Variants in EPM2A observed in about 807,000 individuals in gnomAD.
The protein encoded by EPM2A is laforin.
A neutral mutation model predicts 26.5 loss-of-function variants in EPM2A; 21 were observed. That is an observed-to-expected ratio of 0.79 (90% CI 0.56 to 1.14). EPM2A has a LOEUF of 1.14. EPM2A is among the 50% of genes most tolerant of loss of function. EPM2A has a pLI of 0.00. For synonymous variants in EPM2A, 217 were observed against 177.6 expected (o/e 1.22, Z -1.76); for missense variants, 458 against 440.8 (o/e 1.04, Z -0.35).
At chr6:145,455,902 G>C (rs868396556) in intron 4 of EPM2A, among the ~76,000 whole-genome samples, 4 of 152,166 alleles carry the variant, frequency 2.6e-5, no homozygotes, top group Non-Finnish European at 5.9e-5. Context: ...CCTTGGGACT[G>C]TTTGAATATT....
At chr6:145,707,828 G>C (rs1583095218) in intron 1 of EPM2A, among the ~76,000 whole-genome samples, 1 of 152,316 alleles carries the variant, frequency 6.6e-6, no homozygotes, top group Admixed American at 6.5e-5. Flanking sequence ...CTGCTATAAA[G>C]ATACTTTAAA....
At chr6:145,543,736 G>A (rs1444348653) in intron 2 of EPM2A, among the ~76,000 whole-genome samples, 2 of 152,142 alleles carry the variant, frequency 1.3e-5, no homozygotes, top group East Asian at 3.9e-4. Context: ...TACATGGATT[G>A]TAGATTTTCC....
chr6:145,656,970 T>A (rs912918810), intron 2 of EPM2A, among the ~76,000 whole-genome samples: 3 of 152,178 alleles, frequency 2.0e-5, no homozygotes, highest in African/African-American at 7.2e-5. Flanking sequence ...TTTTCAGTGT[T>A]CACTAACAAA....
chr6:145,680,824 C>G (rs947343442), intron 2 of EPM2A, among the ~76,000 whole-genome samples: 1 of 152,090 alleles, frequency 6.6e-6, no homozygotes, highest in African/African-American at 2.4e-5. Context: ...CAAGTCTTTG[C>G]TATTGTGAAT....
At chr6:145,699,236 T>G (rs1056396552) in intron 1 of EPM2A, among the ~76,000 whole-genome samples, 1 of 152,158 alleles carries the variant, frequency 6.6e-6, no homozygotes, top group Non-Finnish European at 1.5e-5. Context: ...AGGAAGCCAT[T>G]AGTGAGTGAA....
intron 2 of EPM2A, among the ~76,000 whole-genome samples, chr6:145,538,881 A>T (rs1780469956): frequency 6.6e-6 from 1 of 152,178 alleles, no homozygotes. Context: ...AGTGTCTGAG[A>T]CTCATAAAAG....
At chr6:145,703,961 A>C (rs1782075720) in intron 1 of EPM2A, among the ~76,000 whole-genome samples, 1 of 152,216 alleles carries the variant, frequency 6.6e-6, no homozygotes, top group Non-Finnish European at 1.5e-5. Flanking sequence ...ATCAGTTAAA[A>C]AGGACATCCA....
At chr6:145,514,188 G>T (rs1286066007) in intron 2 of EPM2A, among the ~76,000 whole-genome samples, 1 of 152,218 alleles carries the variant, frequency 6.6e-6, no homozygotes. Context: ...TGATGAGAAT[G>T]GAATATCTCT....
intron 2 of EPM2A, among the ~76,000 whole-genome samples, chr6:145,552,798 G>C (rs1780673493): frequency 6.6e-6 from 1 of 151,980 alleles, no homozygotes; most frequent in Non-Finnish European, 1.5e-5. Flanking sequence ...CGTGGGCTCT[G>C]ACAACTGATT....
In EPM2A at chr6:145,625,576, C is replaced by T. The variant is rs960408360; in HGVS notation, c.*1840G>A. 13 of 648,526 alleles carry T rather than the reference C, an allele frequency of 2.0e-5. No homozygotes were observed. Among genetic ancestry groups the T allele is most frequent in the African/African-American group, 5.5e-5 (3 of 54,874 alleles). 40.2% of individuals were successfully genotyped at this position (648,526 alleles called of 1,614,324 possible). Reference sequence around the variant, plus strand: ...TTTAATTTTTAAGATTAAATTTTCACAACACATTATGACTGTAAATGAGTT... The same window carrying T: ...TTTAATTTTTAAGATTAAATTTTCATAACACATTATGACTGTAAATGAGTT... On this transcript the variant is annotated 3_prime_UTR_variant, in exon 4 of 4. Coordinates refer to ENST00000367519, the MANE Select transcript of EPM2A (RefSeq NM_005670.4).
intron 1 of EPM2A, among the ~76,000 whole-genome samples, chr6:145,708,057 C>G (rs1782325688): frequency 6.6e-6 from 1 of 152,170 alleles, no homozygotes; most frequent in South Asian, 2.1e-4. Flanking sequence ...GTCACTCTTG[C>G]TATGCAAAGA....
At chr6:145,638,057 GT>G (rs1238975508) in intron 2 of EPM2A, 7 of 151,952 alleles carry the variant, frequency 4.6e-5, no homozygotes, top group Non-Finnish European at 1.0e-4. Flanking sequence ...TTGTTTGTTT[GT>G]TTTTTTCAAC....
chr6:145,605,201 G>C (rs1435597660), intron 2 of EPM2A, among the ~76,000 whole-genome samples: 1 of 152,126 alleles, frequency 6.6e-6, no homozygotes, highest in Non-Finnish European at 1.5e-5. Flanking sequence ...TTGAGAGTCA[G>C]CTTAGAGTTT....
chr6:145,732,224 TGTGTGTGTGTGTGC>T (rs927800121), intron 1 of EPM2A, among the ~76,000 whole-genome samples: 3 of 115,544 alleles, frequency 2.6e-5, no homozygotes, highest in African/African-American at 9.3e-5. Flanking sequence ...TGTGTGTGTG[TGTGTGTGTGTGTGC>T]GCGCCAAAGT....
intron 1 of EPM2A, among the ~76,000 whole-genome samples, chr6:145,703,284 G>A (rs571973121): frequency 6.6e-6 from 1 of 151,830 alleles, no homozygotes; most frequent in African/African-American, 2.4e-5. Flanking sequence ...GGAGAGACGG[G>A]GTTTTGCCGT....
intron 2 of EPM2A, among the ~76,000 whole-genome samples, chr6:145,555,824 TC>T (rs1411751764): frequency 2.0e-5 from 3 of 152,036 alleles, no homozygotes; most frequent in African/African-American, 7.2e-5. Context: ...TTCCACACAC[TC>T]CCCCCACCTT....
chr6:145,683,593 T>C (rs1210968329), intron 2 of EPM2A, among the ~76,000 whole-genome samples: 2 of 152,126 alleles, frequency 1.3e-5, no homozygotes, highest in Non-Finnish European at 2.9e-5. Context: ...CACCTGCACA[T>C]ACAGCTTTGA....
chr6:145,705,874 C>T (rs1459872633), intron 1 of EPM2A: 1 of 456,582 alleles, frequency 2.2e-6, no homozygotes, highest in Non-Finnish European at 4.4e-6. Context: ...ACAGTAATCG[C>T]CTGCCATGCT....
intron 2 of EPM2A, among the ~76,000 whole-genome samples, chr6:145,600,195 C>T (rs1159455304): frequency 6.6e-6 from 1 of 151,980 alleles, no homozygotes; most frequent in African/African-American, 2.4e-5. Context: ...TTGTTATTTC[C>T]ATTTTTATCT....
Sources: allele counts gnomAD v4.1 joint callset (sites outside exome capture counted in the v4.1 genomes callset), GRCh38; gene constraint gnomAD v4.1.1; transcripts MANE v1.5; gene names NCBI Gene and HGNC (gene_info 2026-07-23, HGNC 2026-07-21).